VPS39: variants seen among roughly 807,000 people sequenced by gnomAD.
VPS39 encodes the protein vam6/Vps39-like protein.
VPS39 carries 70 observed loss-of-function variants against 121.0 expected under a neutral mutation model. The ratio of observed to expected loss-of-function variants is 0.58; its 90% CI spans 0.48 to 0.71. The LOEUF (loss-of-function observed/expected upper bound fraction) is 0.71. Among genes scored for constraint, VPS39 ranks in the 30% least tolerant of loss-of-function variants. The probability of loss-of-function intolerance (pLI) is 0.00; values close to 1 mark genes in which losing one functional copy is unlikely to be tolerated. For synonymous variants in VPS39, 378 were observed against 398.1 expected (o/e 0.95, Z 0.60); for missense variants, 818 against 1,051.5 (o/e 0.78, Z 3.07).
At chr15:42,194,826 T>TA (rs1312332374) in intron 2 of VPS39, among the ~76,000 whole-genome samples, 2 of 151,898 alleles carry the variant, frequency 1.3e-5, no homozygotes, top group African/African-American at 4.8e-5. Context: ...TTCGTTTTTT[T>TA]AAAAAAATCT....
chr15:42,187,626 A>C, intron 6 of VPS39, 132 bp downstream of exon 6: 1 of 837,896 alleles, frequency 1.2e-6, no homozygotes, highest in South Asian at 1.6e-5. Flanking sequence ...GTAGGCATCA[A>C]CAAGCTCTCA....
At chr15:42,169,969 TAAAAAA>T in intron 11 of VPS39, 103 bp from the exon 12 acceptor site, 2 of 952,092 alleles carry the variant, frequency 2.1e-6, no homozygotes, top group Non-Finnish European at 2.8e-6. Flanking sequence ...CAGACTGATT[TAAAAAA>T]AAAAAAAAGA....
chr15:42,166,742 C>A (rs2049250649), intron 14 of VPS39, 30 bp downstream of exon 14: 1 of 1,613,236 alleles, frequency 6.2e-7, no homozygotes, highest in African/African-American at 1.3e-5. Context: ...TACAAGAGCC[C>A]CTCCCAGATC....
intron 5 of VPS39, among the ~76,000 whole-genome samples, chr15:42,188,471 A>T (rs2140874442): frequency 6.6e-6 from 1 of 152,160 alleles, no homozygotes; most frequent in East Asian, 1.9e-4. Flanking sequence ...TTAGAACAAG[A>T]CTCCATTTAA....
In VPS39 at chr15:42,164,909, G is replaced by T. The variant is rs1436085612; in HGVS notation, c.1897+87C>A. 3 of 1,571,898 alleles carry T rather than the reference G, an allele frequency of 1.9e-6. No homozygotes were observed. In the East Asian group the frequency reaches 6.7e-5, roughly 35 times the overall value. ...GCGCACCTGGGCAGAGAATAGGGTG[G>T]CCTGCTTACCCCCACCACACGTGGC... On this transcript the variant is annotated intron_variant, in intron 18 of 24. Coordinates refer to ENST00000318006, the MANE Select transcript of VPS39 (RefSeq NM_015289.5).
At chr15:42,168,156 G>T (rs537102747) in intron 12 of VPS39, among the ~76,000 whole-genome samples, 1 of 152,330 alleles carries the variant, frequency 6.6e-6, no homozygotes, top group East Asian at 1.9e-4. Flanking sequence ...GTCTGGCAGA[G>T]CCCATGGTCT....
chr15:42,194,240 C>T (rs77452513), intron 2 of VPS39, among the ~76,000 whole-genome samples: 10,939 of 151,754 alleles, frequency 0.072, 476 homozygotes, highest in South Asian at 0.18. Flanking sequence ...CGAGAAACCT[C>T]CCAGGTGTAG....
rs2049240385 is a variant in VPS39 at position 42,166,248 on chromosome 15, G to A, written c.1607-16C>T. ...TTTTCTGTGCCTAGAAGGAAAAGCAGGACTTGTCAGCAGTTGAGGCCCATC... is the reference window on the plus strand; with the variant it reads ...TTTTCTGTGCCTAGAAGGAAAAGCAAGACTTGTCAGCAGTTGAGGCCCATC... On this transcript the variant is annotated splice_polypyrimidine_tract_variant and intron_variant, in intron 15 of 24. Transcript: ENST00000318006. The A allele has an allele frequency of 1.2e-6, 2 of 1,613,426 alleles. No individual in the cohort carries two copies. Among genetic ancestry groups the A allele is most frequent in the Admixed American group, 1.7e-5 (1 of 60,004 alleles).
chr15:42,183,460 C>G (rs1009324783), intron 8 of VPS39, among the ~76,000 whole-genome samples: 5 of 152,142 alleles, frequency 3.3e-5, no homozygotes, highest in African/African-American at 1.2e-4. Context: ...GCCTCCCAGA[C>G]CTTCTCACGG....
intron 2 of VPS39, among the ~76,000 whole-genome samples, chr15:42,194,159 A>AAAAAAC (rs1352866834): frequency 1.3e-5 from 2 of 152,198 alleles, no homozygotes; most frequent in Non-Finnish European, 2.9e-5. Flanking sequence ...TAGCTTTAAA[A>AAAAAAC]AAAAACAAAA....
At chr15:42,169,012 T>C (rs1257832480) in intron 12 of VPS39, among the ~76,000 whole-genome samples, 4 of 152,362 alleles carry the variant, frequency 2.6e-5, no homozygotes, top group East Asian at 3.9e-4. Flanking sequence ...GAGACTTTAA[T>C]GGAGATGCTG....
chr15:42,186,105 G>A lies in VPS39; in HGVS notation c.534+1166C>T, dbSNP rs559250826. Among the ~76,000 whole-genome samples the A allele has an allele frequency of 4.0e-4, 61 of 152,166 alleles. No homozygotes were observed. The South Asian group carries it at 0.013, about 32-fold the overall frequency. ...GCAACTCTGATGCTGATAAAATCAG[G>A]ATATTCAAATGACACAAAGATGGAA... On this transcript the variant is annotated intron_variant, in intron 7 of 24. Coordinates refer to ENST00000318006, the MANE Select transcript of VPS39 (RefSeq NM_015289.5).
intron 11 of VPS39, among the ~76,000 whole-genome samples, chr15:42,171,366 T>C (rs1441828223): frequency 6.6e-6 from 1 of 152,190 alleles, no homozygotes; most frequent in Non-Finnish European, 1.5e-5. Context: ...TTCCAGTGTC[T>C]GGTTATCAGC....
Position 42,191,428 on chromosome 15 carries a change from C to G in VPS39, c.204+68G>C, listed in dbSNP as rs1482236722. The G allele has an allele frequency of 4.7e-6, 7 of 1,481,714 alleles. No individual in the cohort carries two copies. The Admixed American group carries it at 1.3e-4, about 27-fold the overall frequency. The allele number at this position is 1,481,714 out of a possible 1,614,324, so 91.8% of individuals were successfully genotyped here. The stretch of plus-strand genomic sequence containing the variant: ...ATTCAGAGTTAATAAATAACATTAC[C>G]AAAGTTCTAGTCTGACAGGGTCTCA... On this transcript the variant is annotated intron_variant, in intron 3 of 24. Coordinates refer to ENST00000318006, the MANE Select transcript of VPS39 (RefSeq NM_015289.5).
intron 1 of VPS39, among the ~76,000 whole-genome samples, chr15:42,206,156 C>A (rs987219972): frequency 1.3e-5 from 2 of 152,086 alleles, no homozygotes; most frequent in Non-Finnish European, 2.9e-5. Flanking sequence ...TTTCTATTTC[C>A]CAGGAGACAG....
chr15:42,176,598 GA>G (rs11286530), intron 10 of VPS39, among the ~76,000 whole-genome samples: 10,064 of 149,302 alleles, frequency 0.067, 730 homozygotes, highest in Admixed American at 0.17. Flanking sequence ...TGCATGAGTA[GA>G]AAAAAAAACA....
At chr15:42,196,636 A>G (rs1469842451) in intron 2 of VPS39, among the ~76,000 whole-genome samples, 3 of 152,240 alleles carry the variant, frequency 2.0e-5, no homozygotes, top group Non-Finnish European at 4.4e-5. Context: ...ACCATCTCAC[A>G]CCAGTTAGAA....
chr15:42,178,170 A>C, intron 10 of VPS39, 48 bp downstream of exon 10: 1 of 1,607,764 alleles, frequency 6.2e-7, no homozygotes, highest in Non-Finnish European at 8.5e-7. Context: ...CAAATCACCT[A>C]CTTTCAAGAA....
In VPS39 at chr15:42,189,214, TG is replaced by T; in HGVS notation, c.248-7del. On this transcript the variant is annotated splice_region_variant and splice_polypyrimidine_tract_variant and intron_variant, in intron 4 of 24. Coordinates refer to ENST00000318006, the MANE Select transcript of VPS39 (RefSeq NM_015289.5). ...ATGGACATAAATGTTATTTTCTGTT[TG>T]GGAGGAGGTATAACATCAGGATCAA... 6.2e-7 allele frequency: 1 copy of T among 1,604,864 alleles called. No individual in the cohort carries two copies. The highest frequency in any genetic ancestry group is 8.5e-7 in the Non-Finnish European group (1 of 1,171,864).
Sources: gnomAD v4.1 joint callset for allele counts (sites outside exome capture counted in the v4.1 genomes callset) on GRCh38, gnomAD v4.1.1 for gene constraint, MANE v1.5 for transcripts, NCBI Gene and HGNC (gene_info 2026-07-23, HGNC 2026-07-21) for gene names.